The following ATP6V0A1 variants were observed in gnomAD, a reference collection of about 807,000 sequenced individuals.
The protein encoded by ATP6V0A1 is V-type proton ATPase 116 kDa subunit a 1.
A neutral mutation model predicts 105.4 loss-of-function variants in ATP6V0A1; 43 were observed. The observed-to-expected ratio is 0.41, with a 90% CI of 0.32 to 0.53. The LOEUF (loss-of-function observed/expected upper bound fraction) is 0.53, where lower values mean the gene tolerates loss of function less well. Among genes scored for constraint, ATP6V0A1 ranks in the 20% least tolerant of loss-of-function variants. The pLI is 0.30. For missense variants in ATP6V0A1, 676 were observed against 1,051.1 expected (o/e 0.64, Z 4.93); for synonymous variants, 362 against 372.8 (o/e 0.97, Z 0.33).
chr17:42,492,758 G>A (rs759137970), intron 11 of ATP6V0A1, among the ~76,000 whole-genome samples: 2 of 147,496 alleles, frequency 1.4e-5, no homozygotes, highest in Non-Finnish European at 3.0e-5. Context: ...GTTCATGCCT[G>A]TAATCCCAGC....
chr17:42,516,482 G>A (rs1360935729), intron 21 of ATP6V0A1, among the ~76,000 whole-genome samples: 2 of 152,144 alleles, frequency 1.3e-5, no homozygotes, highest in African/African-American at 4.8e-5. Flanking sequence ...ACCCCCGCAA[G>A]CACACTTCCT....
At chr17:42,462,576 T>C (rs982664848) in intron 2 of ATP6V0A1, among the ~76,000 whole-genome samples, 5 of 151,904 alleles carry the variant, frequency 3.3e-5, no homozygotes, top group Non-Finnish European at 7.4e-5. Context: ...TGCACCACCA[T>C]GCCCAGCTAA....
At chr17:42,461,075 C>G in intron 2 of ATP6V0A1, 64 bp downstream of exon 2, 1 of 1,330,448 alleles carries the variant, frequency 7.5e-7, no homozygotes, top group Non-Finnish European at 1.1e-6. Context: ...GGTCAGATGC[C>G]TTATGATGAA....
intron 18 of ATP6V0A1, among the ~76,000 whole-genome samples, chr17:42,508,105 G>A (rs2092137943): frequency 6.6e-6 from 1 of 152,066 alleles, no homozygotes; most frequent in South Asian, 2.1e-4. Context: ...GAGCTTTTTT[G>A]GTGTCATTTG....
chr17:42,484,309 G>C (rs935446418), intron 9 of ATP6V0A1, among the ~76,000 whole-genome samples: 4 of 151,418 alleles, frequency 2.6e-5, no homozygotes, highest in Admixed American at 2.6e-4. Flanking sequence ...TGCCTGCCTC[G>C]GTCTCCCAAA....
chr17:42,507,193 TG>T (rs1485533611), intron 17 of ATP6V0A1: 1 of 225,788 alleles, frequency 4.4e-6, no homozygotes, highest in Non-Finnish European at 8.8e-6. Flanking sequence ...TGTGAGAATC[TG>T]TTCATATTAA....
chr17:42,471,205 G>C (rs2087873846), intron 5 of ATP6V0A1: 2 of 152,068 alleles, frequency 1.3e-5, no homozygotes, highest in East Asian at 1.9e-4. Context: ...CGGATCACGA[G>C]GTCAGGAGAT....
chr17:42,520,983 C>T (rs778526631), intron 21 of ATP6V0A1, 44 bp from the exon 22 acceptor site: 1 of 1,518,538 alleles, frequency 6.6e-7, no homozygotes, highest in Non-Finnish European at 9.0e-7. Flanking sequence ...AAAAGCTTCA[C>T]AAAGTTTCTA....
chr17:42,518,061 T>C (rs2092700218), intron 21 of ATP6V0A1: 1 of 152,268 alleles, frequency 6.6e-6, no homozygotes, highest in African/African-American at 2.4e-5. Context: ...ACATGAAGTG[T>C]GCTTGGCTTC....
chr17:42,462,588 T>C (rs1229639152), intron 2 of ATP6V0A1, among the ~76,000 whole-genome samples: 1 of 151,442 alleles, frequency 6.6e-6, no homozygotes, highest in African/African-American at 2.4e-5. Flanking sequence ...CCCAGCTAAT[T>C]TTTGTATTTT....
chr17:42,461,084 A>G lies in ATP6V0A1; in HGVS notation c.117+73A>G, dbSNP rs150702353. 784 of 1,280,272 alleles carry G rather than the reference A, an allele frequency of 6.1e-4. 4 individuals carry two copies. The African/African-American group carries it at 0.01, about 17-fold the overall frequency. The allele number at this position is 1,280,272 out of a possible 1,614,324, so 79.3% of individuals were successfully genotyped here. On this transcript the variant is annotated intron_variant, in intron 2 of 21. Coordinates refer to ENST00000343619, the MANE Select transcript of ATP6V0A1 (RefSeq NM_001130021.3). ...TATCGTGGTCAGATGCCTTATGATGAATGTTTTGTTTTTTATTTGCAAAAA... is the reference window on the plus strand; with the variant it reads ...TATCGTGGTCAGATGCCTTATGATGGATGTTTTGTTTTTTATTTGCAAAAA...
chr17:42,498,875 C>T (rs770705690), intron 14 of ATP6V0A1, 49 bp from the exon 15 acceptor site: 1 of 1,253,744 alleles, frequency 8.0e-7, no homozygotes, highest in Non-Finnish European at 1.1e-6. Context: ...AATATTTTTC[C>T]CTTTGAGAAT....
intron 17 of ATP6V0A1, among the ~76,000 whole-genome samples, chr17:42,503,441 C>T (rs978478571): frequency 4.6e-5 from 7 of 152,178 alleles, no homozygotes; most frequent in African/African-American, 1.4e-4. Flanking sequence ...TCCGATGTGT[C>T]GTGTGTACTG....
Position 42,478,684 on chromosome 17 carries a change from C to T in ATP6V0A1, c.633+95C>T, listed in dbSNP as rs565761258. 1.7e-5 allele frequency: 22 copies of T among 1,300,342 alleles called. No homozygotes were observed. In the Admixed American group the frequency reaches 1.7e-4, roughly 10 times the overall value. 80.6% of individuals were successfully genotyped at this position (1,300,342 alleles called of 1,614,324 possible). ...GGGCCACCTGAATCCAGTGCTTCCA[C>T]AGAGGAGCCATTATCTTTATCTCTG... On this transcript the variant is annotated intron_variant, in intron 7 of 21. Coordinates refer to ENST00000343619, the MANE Select transcript of ATP6V0A1 (RefSeq NM_001130021.3).
chr17:42,498,320 G>C (rs2091371390), intron 14 of ATP6V0A1, among the ~76,000 whole-genome samples: 1 of 152,048 alleles, frequency 6.6e-6, no homozygotes, highest in Non-Finnish European at 1.5e-5. Context: ...CATGATATCT[G>C]GACTTTTTAG....
rs1013577643 is a variant in ATP6V0A1 at position 42,514,820 on chromosome 17, C to T, written c.2420+360C>T. 9.2e-5 allele frequency among the ~76,000 whole-genome samples: 14 copies of T among 152,242 alleles called. 1 individual carries two copies. The South Asian group carries it at 2.9e-3, about 32-fold the overall frequency. ...ATGTGTAACTCTTCTGTCTTCAGAA[C>T]AGTGGAAGCAGCTCTGGAATGTATG... On this transcript the variant is annotated intron_variant, in intron 21 of 21. Coordinates refer to ENST00000343619, the MANE Select transcript of ATP6V0A1 (RefSeq NM_001130021.3).
Position 42,500,070 on chromosome 17 carries a change from T to A in ATP6V0A1, c.1680-637T>A, listed in dbSNP as rs1268965304. On this transcript the variant is annotated intron_variant, in intron 15 of 21. Transcript: ENST00000343619. ...GGGTAACACGGCAAAAGACCCCATCTCTACAAAAAAAAAAAAAAAAAAAAG... is the reference window on the plus strand; with the variant it reads ...GGGTAACACGGCAAAAGACCCCATCACTACAAAAAAAAAAAAAAAAAAAAG... Among the ~76,000 whole-genome samples, 75 of 127,136 alleles carry A rather than the reference T, an allele frequency of 5.9e-4. No homozygotes were observed. In the South Asian group the frequency reaches 9.7e-3, roughly 16 times the overall value. The allele number at this position is 127,136 out of a possible 152,430, so 83.4% of individuals were successfully genotyped here.
At chr17:42,506,433 A>G (rs2092028750) in intron 17 of ATP6V0A1, among the ~76,000 whole-genome samples, 1 of 152,224 alleles carries the variant, frequency 6.6e-6, no homozygotes, top group Non-Finnish European at 1.5e-5. Flanking sequence ...TTAAACTGTG[A>G]TGAGAGCTGT....
chr17:42,487,360 G>A lies in ATP6V0A1; in HGVS notation c.1016G>A (p.Arg339Lys). ...DLDSIQFALR[R>K]GTEHSGSTVP... ...GACTCCATCCAGTTTGCACTCAGAA[G>A]GGGCACGGTGAGTCCCCAAAGCTAA... is the stretch of plus-strand genomic sequence containing the variant. Residue 339 changes from arginine (R) to lysine (K), a missense_variant, in exon 10 of 22, where the codon AGG becomes AAG. Around this residue, in one of 3 missense-constraint regions of ATP6V0A1, gnomAD observed 435 missense variants for 642.2 expected, o/e 0.68. Coordinates refer to ENST00000343619, the MANE Select transcript of ATP6V0A1 (RefSeq NM_001130021.3). 1 of 1,613,712 alleles carries A rather than the reference G, an allele frequency of 6.2e-7. No homozygotes were observed. The highest frequency in any genetic ancestry group is 8.5e-7 in the Non-Finnish European group (1 of 1,179,976).
Sources: gnomAD v4.1 joint callset for allele counts (sites outside exome capture counted in the v4.1 genomes callset) on GRCh38, gnomAD v4.1.1 for gene constraint, gnomAD v4.1.1 regional missense constraint, MANE v1.5 for transcripts, NCBI Gene and HGNC (gene_info 2026-07-23, HGNC 2026-07-21) for gene names.